The following PLCE1 variants were observed in gnomAD, a reference collection of about 807,000 sequenced individuals.
The protein encoded by PLCE1 is phospholipase C epsilon 1, also known as 1-phosphatidylinositol 4,5-bisphosphate phosphodiesterase epsilon-1.
PLCE1 carries 119 observed loss-of-function variants against 242.8 expected under a neutral mutation model. The observed-to-expected ratio is 0.49, with a 90% CI of 0.42 to 0.57. The LOEUF is 0.57. Among genes scored for constraint, PLCE1 ranks in the 20% least tolerant of loss-of-function variants. The pLI, the probability that PLCE1 is intolerant of heterozygous loss-of-function variation, is 0.00. For missense variants in PLCE1, 2,441 were observed against 2,788.8 expected, an observed-to-expected ratio of 0.88 and a Z score of 2.81; for synonymous variants, 945 against 1,017.4, an observed-to-expected ratio of 0.93 and a Z score of 1.35.
chr10:94,233,958 A>AG, intron 5 of PLCE1, 96 bp from the exon 6 acceptor site: 2 of 1,172,946 alleles, frequency 1.7e-6, no homozygotes, highest in East Asian at 5.1e-5. Flanking sequence ...AAAAAAAAAA[A>AG]TGGTAAAAAG....
chr10:94,265,664 CA>C lies in PLCE1; in HGVS notation c.4072del (p.Ser1358ValfsTer7). ...SIIQKFEPSI[S>X]MCHQGLMSFE... ...CCTTGCAGAAGTTCGAGCCTAGCAT[CA>C]GTATGTGTCATCAGGGACTAATGTC... On this transcript the variant is annotated frameshift_variant, in exon 15 of 33. Transcript: ENST00000371380. LOFTEE classifies it high-confidence loss of function. 6.2e-7 allele frequency: 1 copy of C among 1,613,702 alleles called. No homozygotes were observed.
chr10:94,095,050 C>T (rs965835639), intron 2 of PLCE1, among the ~76,000 whole-genome samples: 1 of 152,188 alleles, frequency 6.6e-6, no homozygotes, highest in South Asian at 2.1e-4. Context: ...ATTTTGGCAA[C>T]TGTTTAGCAA....
chr10:94,017,010 C>T (rs2061295033), intron 1 of PLCE1, among the ~76,000 whole-genome samples: 1 of 152,144 alleles, frequency 6.6e-6, no homozygotes, highest in African/African-American at 2.4e-5. Context: ...TTCTGTGATG[C>T]AGTTGATTTG....
At chr10:94,279,023 C>T (rs1252638882) in intron 19 of PLCE1, among the ~76,000 whole-genome samples, 4 of 152,054 alleles carry the variant, frequency 2.6e-5, no homozygotes, top group Non-Finnish European at 4.4e-5. Flanking sequence ...TCATTCTCTC[C>T]AGCAGACAAC....
intron 1 of PLCE1, among the ~76,000 whole-genome samples, chr10:93,998,494 G>A (rs2060872536): frequency 1.3e-5 from 2 of 152,176 alleles, no homozygotes; most frequent in South Asian, 4.2e-4. Context: ...AGATTCTCTA[G>A]AATCAAATTT....
rs181638328 is a variant in PLCE1 at position 94,210,213 on chromosome 10, A to G, written c.1810-17093A>G. On this transcript the variant is annotated intron_variant, in intron 4 of 32. Coordinates refer to ENST00000371380, the MANE Select transcript of PLCE1 (RefSeq NM_016341.4). ...TTTTTTTTACTTTTCAGTTTCTATC[A>G]TCTATGCCGTAAGCACTTCCCAAGT... 2.5e-3 allele frequency among the ~76,000 whole-genome samples: 374 copies of G among 150,244 alleles called. 2 individuals carry two copies. The highest frequency in any genetic ancestry group is 4.1e-3 in the Non-Finnish European group (275 of 67,664).
intron 29 of PLCE1, among the ~76,000 whole-genome samples, chr10:94,319,156 G>A (rs1026318078): frequency 1.3e-5 from 2 of 152,156 alleles, no homozygotes; most frequent in African/African-American, 2.4e-5. Context: ...TAAATCAGAA[G>A]GGAAGGCTAA....
chr10:94,275,126 T>C (rs546134848), intron 19 of PLCE1, among the ~76,000 whole-genome samples: 64 of 152,354 alleles, frequency 4.2e-4, no homozygotes, highest in African/African-American at 1.4e-3. Context: ...CAGTTACTTA[T>C]AAGGCCTTCA....
Position 94,316,470 on chromosome 10 carries a change from C to CCTAT in PLCE1, c.6133-74_6133-71dup, listed in dbSNP as rs1026400895. 25 of 896,562 alleles carry CCTAT rather than the reference C, an allele frequency of 2.8e-5. No homozygotes were observed. In the African/African-American group the frequency reaches 4.1e-4, roughly 15 times the overall value. 55.5% of individuals were successfully genotyped at this position (896,562 alleles called of 1,614,324 possible). A position where few individuals can be genotyped will look rare whatever the true frequency, so the allele number is the denominator to read the frequency against. On this transcript the variant is annotated intron_variant, in intron 28 of 32. Coordinates refer to ENST00000371380, the MANE Select transcript of PLCE1 (RefSeq NM_016341.4). The stretch of plus-strand genomic sequence containing the variant: ...TTTCACTTATAAATTGCATAGCAAA[C>CCTAT]CTATCTGAACACCATGAAAGTTGAT...
At position 94,272,280 on chromosome 10, in the gene PLCE1, G is replaced by T. The variant is rs185650093; in HGVS notation, c.4507-1282G>T. Among the ~76,000 whole-genome samples the T allele has an allele frequency of 1.4e-4, 22 of 152,172 alleles. No individual in the cohort carries two copies. The East Asian group carries it at 3.9e-3, about 27-fold the overall frequency. On this transcript the variant is annotated intron_variant, in intron 18 of 32. Transcript: ENST00000371380. ...CCAGGAATGCAATTCTTTTCCTAGG[G>T]TCTTAATATTATATTCCTTGCTAGG...
intron 4 of PLCE1, among the ~76,000 whole-genome samples, chr10:94,201,855 T>C (rs1464425304): frequency 7.2e-5 from 11 of 152,214 alleles, no homozygotes; most frequent in Non-Finnish European, 1.3e-4. Flanking sequence ...GTTTTTTTAA[T>C]TGCTGTTCAT....
intron 4 of PLCE1, among the ~76,000 whole-genome samples, chr10:94,218,931 TATA>T (rs1359094087): frequency 6.8e-6 from 1 of 147,214 alleles, no homozygotes; most frequent in Non-Finnish European, 1.5e-5. Context: ...AAATTTTAAT[TATA>T]ATTATATTAT....
intron 3 of PLCE1, among the ~76,000 whole-genome samples, chr10:94,132,709 GGGAGGCCAAGGCGGGC>G (rs2046639039): frequency 6.6e-6 from 1 of 151,528 alleles, no homozygotes; most frequent in South Asian, 2.1e-4. Context: ...CCAGCACTTT[GGGAGGCCAAGGCGGGC>G]GGATCACAAG....
chr10:94,312,186 T>C (rs1468811083), intron 27 of PLCE1, among the ~76,000 whole-genome samples: 1 of 152,224 alleles, frequency 6.6e-6, no homozygotes, highest in African/African-American at 2.4e-5. Context: ...TATACTTCAG[T>C]AAAACTGATT....
At chr10:94,135,766 G>A (rs754551986) in intron 3 of PLCE1, among the ~76,000 whole-genome samples, 1 of 152,172 alleles carries the variant, frequency 6.6e-6, no homozygotes, top group Non-Finnish European at 1.5e-5. Context: ...GACATTTCTT[G>A]TTGAGGGGCA....
chr10:94,264,040 A>G (rs2051412248), intron 14 of PLCE1, among the ~76,000 whole-genome samples: 1 of 152,188 alleles, frequency 6.6e-6, no homozygotes, highest in Non-Finnish European at 1.5e-5. Context: ...AGAGAATAAG[A>G]TAAAAGTTCT....
intron 18 of PLCE1, among the ~76,000 whole-genome samples, chr10:94,270,831 G>A (rs892186028): frequency 6.6e-6 from 1 of 152,024 alleles, no homozygotes; most frequent in Non-Finnish European, 1.5e-5. Context: ...CCCCATGCCT[G>A]GCTAATTTTT....
At chr10:94,113,039 A>G (rs993829567) in intron 2 of PLCE1, among the ~76,000 whole-genome samples, 40 of 152,146 alleles carry the variant, frequency 2.6e-4, no homozygotes, top group African/African-American at 9.4e-4. Flanking sequence ...ATTATATGAA[A>G]TGTCCCAAAC....
intron 1 of PLCE1, among the ~76,000 whole-genome samples, chr10:94,000,931 G>A (rs2060919205): frequency 6.6e-6 from 1 of 152,176 alleles, no homozygotes; most frequent in Non-Finnish European, 1.5e-5. Context: ...TTGGAACGGG[G>A]GCAAGGGTCA....
Sources: allele counts gnomAD v4.1 joint callset (sites outside exome capture counted in the v4.1 genomes callset), GRCh38; gene constraint gnomAD v4.1.1; transcripts MANE v1.5; gene names NCBI Gene and HGNC (gene_info 2026-07-23, HGNC 2026-07-21).